The following ZNF761 variants were observed in gnomAD, a reference collection of about 807,000 sequenced individuals.
The protein encoded by ZNF761 is zinc finger protein 761.
A neutral mutation model predicts 59.9 loss-of-function variants in ZNF761; 43 were observed. The observed-to-expected ratio is 0.72, with a 90% CI of 0.56 to 0.92. ZNF761 has a LOEUF of 0.92. ZNF761 is among the 40% of genes least tolerant of loss of function. ZNF761 has a pLI of 0.00. For synonymous variants in ZNF761, 294 were observed against 304.8 expected (o/e 0.96, Z 0.37); for missense variants, 850 against 906.1 (o/e 0.94, Z 0.79).
At position 53,455,933 on chromosome 19, in the gene ZNF761, C is replaced by T. The variant is rs1215826847; in HGVS notation, c.1426C>T (p.Arg476Cys). The T allele has an allele frequency of 4.4e-6, 7 of 1,609,180 alleles. No individual in the cohort carries two copies. Among genetic ancestry groups the T allele is most frequent in the Non-Finnish European group, 5.1e-6 (6 of 1,178,728 alleles). Residue 476 changes from arginine (R) to cysteine (C), a missense_variant, in exon 5 of 5, where the codon CGT (arginine) becomes TGT (cysteine). By Grantham distance (180) the Arg-to-Cys change is radical. Coordinates refer to ENST00000684525, the MANE Select transcript of ZNF761 (RefSeq NM_001289951.2). Reference protein sequence around the residue: ...YKCEECDKAFRFKSNLERHRR... With the variant: ...YKCEECDKAFCFKSNLERHRR... ...ATGTGAAGAATGTGACAAAGCTTTC[C>T]GTTTCAAATCAAACCTTGAAAGACA...
chr19:53,454,377 A>G (rs2086245254), intron 4 of ZNF761, among the ~76,000 whole-genome samples: 1 of 152,212 alleles, frequency 6.6e-6, no homozygotes, highest in Non-Finnish European at 1.5e-5. Flanking sequence ...TTAGGGTCAC[A>G]ATGGAAAAAT....
At chr19:53,450,858 CTG>C (rs2086215679) in intron 4 of ZNF761, among the ~76,000 whole-genome samples, 1 of 152,016 alleles carries the variant, frequency 6.6e-6, no homozygotes, top group Non-Finnish European at 1.5e-5. Flanking sequence ...TAGCCGGACA[CTG>C]TGATGGGCGC....
At chr19:53,450,026 CG>C (rs1408624551) in intron 4 of ZNF761, 1 of 442,276 alleles carries the variant, frequency 2.3e-6, no homozygotes, top group Non-Finnish European at 3.9e-6. Context: ...TATGTGTGGC[CG>C]GGCTTGGTGG....
rs141685550 is a variant in ZNF761 at position 53,449,565 on chromosome 19, A to G, written c.69A>G (p.Lys23=). The change falls in exon 4 of 5, where the codon AAA becomes AAG. Residue 23 remains lysine, a synonymous_variant. Coordinates refer to ENST00000684525, the MANE Select transcript of ZNF761 (RefSeq NM_001289951.2). ...VAIEFSQEEW[K]CLDPAQRTLY... ...TAGAATTCTCTCAGGAGGAGTGGAA[A>G]TGCCTGGACCCTGCTCAGAGGACTC... 128 of 1,613,642 alleles carry G rather than the reference A, an allele frequency of 7.9e-5. No homozygotes were observed. The African/African-American group carries it at 1.1e-3, about 14-fold the overall frequency.
At chr19:53,445,626 A>G (rs1392356196) in intron 1 of ZNF761, among the ~76,000 whole-genome samples, 1 of 152,184 alleles carries the variant, frequency 6.6e-6, no homozygotes, top group Admixed American at 6.5e-5. Context: ...TTCTTCTGGC[A>G]GAGGGGAGTG....
intron 1 of ZNF761, among the ~76,000 whole-genome samples, chr19:53,437,799 A>G (rs1308596364): frequency 6.6e-6 from 1 of 151,924 alleles, no homozygotes; most frequent in Non-Finnish European, 1.5e-5. Context: ...TTCCATGTAC[A>G]TGCAAGGTAG....
In ZNF761 at chr19:53,452,881, C is replaced by T. The variant is rs566447478; in HGVS notation, c.143-1769C>T. 5.9e-5 allele frequency among the ~76,000 whole-genome samples: 9 copies of T among 152,314 alleles called. 1 individual carries two copies. The South Asian group carries it at 1.9e-3, about 32-fold the overall frequency. On this transcript the variant is annotated intron_variant, in intron 4 of 4. Transcript: ENST00000684525. ...TGGAGAATAAGAACTCTGAACATGG[C>T]TTTTGGCCAATATGAACATTCAGAC...
chr19:53,433,036 G>C (rs2085990610), intron 1 of ZNF761, among the ~76,000 whole-genome samples: 1 of 94,208 alleles, frequency 1.1e-5, no homozygotes, highest in African/African-American at 3.9e-5. Context: ...GTGCTAGAGA[G>C]TGGGGACAGG....
Position 53,457,627 on chromosome 19 carries a change from A to G in ZNF761, c.*879A>G. On this transcript the variant is annotated 3_prime_UTR_variant, in exon 5 of 5. Transcript: ENST00000684525. Reference sequence around the variant, plus strand: ...CATTAATTGACATTAGGGTCAATTCAGCATTGACTTGAGTTTGTATTGACT... The same window carrying G: ...CATTAATTGACATTAGGGTCAATTCGGCATTGACTTGAGTTTGTATTGACT... 3.8e-6 allele frequency: 1 copy of G among 262,854 alleles called. No individual in the cohort carries two copies. The highest frequency in any genetic ancestry group is 4.5e-5 in the South Asian group (1 of 21,980). 16.3% of individuals were successfully genotyped at this position (262,854 alleles called of 1,614,324 possible). A position where few individuals can be genotyped will look rare whatever the true frequency, so the allele number is the denominator to read the frequency against.
chr19:53,441,875 A>G (rs2086104680), intron 1 of ZNF761: 2 of 1,576,600 alleles, frequency 1.3e-6, no homozygotes, highest in South Asian at 2.2e-5. Context: ...GGCTGGGATC[A>G]CCACCATCGA....
chr19:53,435,773 A>G (rs577005633), intron 1 of ZNF761, among the ~76,000 whole-genome samples: 1 of 152,068 alleles, frequency 6.6e-6, no homozygotes, highest in Admixed American at 6.6e-5. Context: ...AAAACAGTGT[A>G]CAGCATGTTC....
At chr19:53,450,076 G>A (rs1438073152) in intron 4 of ZNF761, 41 of 353,636 alleles carry the variant, frequency 1.2e-4, no homozygotes, top group South Asian at 3.3e-4. Context: ...AGGCCAAGGT[G>A]GGTGGATCAC....
intron 1 of ZNF761, chr19:53,443,045 T>C: frequency 3.5e-6 from 1 of 284,934 alleles, no homozygotes; most frequent in Non-Finnish European, 6.8e-6. Context: ...TGTTTGAAAC[T>C]AGTTGCGTCC....
At chr19:53,432,467 C>T (rs1432675746) in intron 1 of ZNF761, among the ~76,000 whole-genome samples, 1 of 152,156 alleles carries the variant, frequency 6.6e-6, no homozygotes, top group Non-Finnish European at 1.5e-5. Context: ...CCCTTCACCT[C>T]CCTCCTTGTG....
intron 1 of ZNF761, among the ~76,000 whole-genome samples, chr19:53,440,728 G>C (rs1414421270): frequency 6.6e-6 from 1 of 152,234 alleles, no homozygotes; most frequent in African/African-American, 2.4e-5. Context: ...GCCCAGGATG[G>C]AGTGCAGCAT....
chr19:53,455,658 G>T lies in ZNF761; in HGVS notation c.1151G>T (p.Cys384Phe), dbSNP rs1395778509. 1 of 1,613,650 alleles carries T rather than the reference G, an allele frequency of 6.2e-7. No homozygotes were observed. The highest frequency in any genetic ancestry group is 1.1e-5 in the South Asian group (1 of 91,048). ...CATACTGGAGAGAAACCCTACAAAT[G>T]TAATGAGTGTGGCAAGACCTTTAGT... ...RLHTGEKPYK[C>F]NECGKTFSHK... The change falls in exon 5 of 5, where the codon TGT becomes TTT. Residue 384 changes from cysteine (C) to phenylalanine (F), a missense_variant. By Grantham distance (205) the Cys-to-Phe change is radical. Coordinates refer to ENST00000684525, the MANE Select transcript of ZNF761 (RefSeq NM_001289951.2).
intron 1 of ZNF761, among the ~76,000 whole-genome samples, chr19:53,438,419 A>G (rs1257792875): frequency 6.6e-6 from 1 of 152,226 alleles, no homozygotes; most frequent in Admixed American, 6.5e-5. Context: ...CCATGATCCT[A>G]TAAGTTGAGT....
chr19:53,453,187 A>G (rs1406677972), intron 4 of ZNF761, among the ~76,000 whole-genome samples: 1 of 152,136 alleles, frequency 6.6e-6, no homozygotes. Flanking sequence ...TATTTTTAGT[A>G]GAGTTGGGAT....
Position 53,456,867 on chromosome 19 carries a change from C to A in ZNF761, c.*119C>A. 1 of 1,165,608 alleles carries A rather than the reference C, an allele frequency of 8.6e-7. No homozygotes were observed. Among genetic ancestry groups the A allele is most frequent in the Non-Finnish European group, 1.2e-6 (1 of 805,094 alleles). 72.2% of individuals were successfully genotyped at this position (1,165,608 alleles called of 1,614,324 possible). A position where few individuals can be genotyped will look rare whatever the true frequency, so the allele number is the denominator to read the frequency against. ...TAAAGTTTACAGTGGCAAATCAAGC[C>A]TCAGAAGACAGGAGAATTCATACTG... On this transcript the variant is annotated 3_prime_UTR_variant, in exon 5 of 5. Transcript: ENST00000684525.
Sources: gnomAD v4.1 joint callset for allele counts (sites outside exome capture counted in the v4.1 genomes callset) on GRCh38, gnomAD v4.1.1 for gene constraint, MANE v1.5 for transcripts, NCBI Gene and HGNC (gene_info 2026-07-23, HGNC 2026-07-21) for gene names.